TAFA4: variants seen among roughly 807,000 people sequenced by gnomAD.
TAFA4 encodes chemokine-like protein TAFA-4.
A neutral mutation model predicts 21.1 loss-of-function variants in TAFA4; 20 were observed. That is an observed-to-expected ratio of 0.95 (90% CI 0.67 to 1.38). TAFA4 has a LOEUF of 1.38. TAFA4 is among the 40% of genes most tolerant of loss of function. TAFA4 has a pLI of 0.00. For missense variants in TAFA4, 211 were observed against 180.9 expected (o/e 1.17, Z -0.95); for synonymous variants, 71 against 67.4 (o/e 1.05, Z -0.26).
intron 3 of TAFA4, among the ~76,000 whole-genome samples, chr3:68,860,762 TTAAA>T (rs2089326752): frequency 6.6e-6 from 1 of 152,064 alleles, no homozygotes; most frequent in African/African-American, 2.4e-5. Context: ...AAAATAAAAA[TTAAA>T]TGAAGATTTT....
intron 4 of TAFA4, among the ~76,000 whole-genome samples, chr3:68,743,476 TGAGGCAGAAGAATCACTTGAGCCCGG>T (rs1213032755): frequency 6.7e-6 from 1 of 149,972 alleles, no homozygotes; most frequent in Non-Finnish European, 1.5e-5. Flanking sequence ...CTCAGGAGGC[TGAGGCAGAAGAATCACTTGAGCCCGG>T]GAGGCAGAGG....
chr3:68,854,884 A>G (rs1011639502), intron 3 of TAFA4, among the ~76,000 whole-genome samples: 1 of 152,134 alleles, frequency 6.6e-6, no homozygotes, highest in African/African-American at 2.4e-5. Context: ...CTCTCCAAAA[A>G]TCAATCACAA....
intron 4 of TAFA4, among the ~76,000 whole-genome samples, chr3:68,742,172 A>G (rs1326835528): frequency 6.6e-6 from 1 of 152,236 alleles, no homozygotes; most frequent in Non-Finnish European, 1.5e-5. Flanking sequence ...CTTTATGATA[A>G]AAACTCTCAA....
chr3:68,735,889 T>C (rs1219120521), intron 5 of TAFA4, among the ~76,000 whole-genome samples: 2 of 152,114 alleles, frequency 1.3e-5, no homozygotes, highest in African/African-American at 4.8e-5. Flanking sequence ...CTGTGCTTTG[T>C]AGGATGTTTA....
chr3:68,770,820 C>T (rs1036131232), intron 3 of TAFA4, among the ~76,000 whole-genome samples: 7 of 152,202 alleles, frequency 4.6e-5, no homozygotes, highest in East Asian at 1.9e-4. Context: ...GCTCCACCCT[C>T]GGGCCTGTGC....
intron 3 of TAFA4, among the ~76,000 whole-genome samples, chr3:68,826,063 G>T (rs1247764192): frequency 6.6e-6 from 1 of 152,170 alleles, no homozygotes; most frequent in African/African-American, 2.4e-5. Context: ...GTGAGGGAGG[G>T]TTGTTAAGCA....
intron 3 of TAFA4, among the ~76,000 whole-genome samples, chr3:68,868,232 T>C (rs571116302): frequency 2.0e-5 from 3 of 152,028 alleles, no homozygotes; most frequent in South Asian, 2.1e-4. Flanking sequence ...AAGTCAAAGG[T>C]TGTAAAAGAG....
At chr3:68,759,180 A>T (rs1404726370) in intron 3 of TAFA4, among the ~76,000 whole-genome samples, 1 of 152,236 alleles carries the variant, frequency 6.6e-6, no homozygotes, top group Non-Finnish European at 1.5e-5. Flanking sequence ...TCAGGGGTAG[A>T]GCAGCCTTTT....
At chr3:68,757,077 C>T (rs1192510494) in intron 3 of TAFA4, among the ~76,000 whole-genome samples, 1 of 152,132 alleles carries the variant, frequency 6.6e-6, no homozygotes, top group Non-Finnish European at 1.5e-5. Flanking sequence ...TTGTCTCAGT[C>T]TGCTTGGGCT....
intron 3 of TAFA4, among the ~76,000 whole-genome samples, chr3:68,806,194 AT>A (rs1033494566): frequency 6.6e-6 from 1 of 152,156 alleles, no homozygotes; most frequent in African/African-American, 2.4e-5. Context: ...AGAAAAAAAA[AT>A]AATACTTTCC....
rs762172046 is a variant in TAFA4, at chr3:68,880,832, C to T, written c.28G>A (p.Ala10Thr). Reference sequence around the variant, plus strand: ...CAGTGCGACAGCAACACTGACTTAGCACAGACTCTCATCCTGGAGGAAAAG... The same window carrying T: ...CAGTGCGACAGCAACACTGACTTAGTACAGACTCTCATCCTGGAGGAAAAG... MRSPRMRVC[A>T]KSVLLSHWLF... Residue 10 changes from alanine (A) to threonine (T), a missense_variant, in exon 3 of 6, where the codon GCT (alanine) becomes ACT (threonine). Physicochemically the swap from Ala to Thr is moderately conservative, Grantham distance 58 (BLOSUM62 0). Coordinates refer to ENST00000295569, the MANE Select transcript of TAFA4 (RefSeq NM_182522.5). 31 of 1,613,230 alleles carry T rather than the reference C, an allele frequency of 1.9e-5. No homozygotes were observed. Among genetic ancestry groups the T allele is most frequent in the Non-Finnish European group, 2.3e-5 (27 of 1,179,866 alleles).
intron 3 of TAFA4, among the ~76,000 whole-genome samples, chr3:68,824,425 C>A (rs963406602): frequency 2.0e-5 from 3 of 151,228 alleles, no homozygotes; most frequent in Non-Finnish European, 2.9e-5. Context: ...AAGTACATCA[C>A]TCCGACCTCC....
intron 1 of TAFA4, among the ~76,000 whole-genome samples, chr3:68,924,187 T>C (rs2090085381): frequency 6.6e-6 from 1 of 152,174 alleles, no homozygotes; most frequent in South Asian, 2.1e-4. Context: ...TTTGTATACC[T>C]ATGTTCATAG....
At chr3:68,806,066 G>A (rs575084161) in intron 3 of TAFA4, among the ~76,000 whole-genome samples, 80 of 152,004 alleles carry the variant, frequency 5.3e-4, no homozygotes, top group African/African-American at 1.5e-3. Context: ...ACAAAAGGTG[G>A]GTCTTGAATT....
intron 3 of TAFA4, among the ~76,000 whole-genome samples, chr3:68,866,177 C>G (rs548273740): frequency 4.6e-5 from 7 of 152,174 alleles, no homozygotes; most frequent in Admixed American, 4.6e-4. Flanking sequence ...AAAAAGATGC[C>G]AAACTAGAGT....
At chr3:68,912,608 G>A (rs2089970454) in intron 1 of TAFA4, among the ~76,000 whole-genome samples, 1 of 152,236 alleles carries the variant, frequency 6.6e-6, no homozygotes, top group African/African-American at 2.4e-5. Context: ...ATCTGTGTGT[G>A]CCGCTGCATT....
At chr3:68,874,804 A>G (rs1462656675) in intron 3 of TAFA4, among the ~76,000 whole-genome samples, 1 of 152,038 alleles carries the variant, frequency 6.6e-6, no homozygotes, top group East Asian at 1.9e-4. Context: ...ACACACACAC[A>G]CACAAAGGAT....
intron 3 of TAFA4, among the ~76,000 whole-genome samples, chr3:68,762,378 G>A (rs532401248): frequency 8.5e-5 from 13 of 152,224 alleles, no homozygotes; most frequent in South Asian, 8.3e-4. Flanking sequence ...GATGTTAGCC[G>A]GGATTTTTAA....
chr3:68,803,498 C>T (rs1409909339), intron 3 of TAFA4, among the ~76,000 whole-genome samples: 1 of 152,046 alleles, frequency 6.6e-6, no homozygotes, highest in African/African-American at 2.4e-5. Context: ...CAGACATGAT[C>T]GTTCATAGGG....
Sources: allele counts gnomAD v4.1 joint callset (sites outside exome capture counted in the v4.1 genomes callset), GRCh38; gene constraint gnomAD v4.1.1; transcripts MANE v1.5; gene names NCBI Gene and HGNC (gene_info 2026-07-23, HGNC 2026-07-21).